Variants in FBXW8 observed in about 807,000 individuals in gnomAD.
The protein encoded by FBXW8 is F-box and WD repeat domain containing 8.
A neutral mutation model predicts 65.3 loss-of-function variants in FBXW8; 57 were observed. The ratio of observed to expected loss-of-function variants is 0.87; its 90% CI spans 0.71 to 1.09. The LOEUF (loss-of-function observed/expected upper bound fraction) is 1.09, where lower values mean the gene tolerates loss of function less well. Ranked by LOEUF, FBXW8 falls within the 50% of genes least tolerant of loss-of-function variation. The probability of loss-of-function intolerance (pLI) is 0.00; values close to 1 mark genes in which losing one functional copy is unlikely to be tolerated. For synonymous variants in FBXW8, 308 were observed against 330.2 expected (o/e 0.93, Z 0.73); for missense variants, 777 against 814.8 (o/e 0.95, Z 0.57).
intron 9 of FBXW8, among the ~76,000 whole-genome samples, chr12:117,024,523 T>C (rs373082644): frequency 1.6e-4 from 25 of 152,322 alleles, no homozygotes; most frequent in East Asian, 1.3e-3. Flanking sequence ...CGCTGGTCAG[T>C]GGGGATGCAG....
intron 5 of FBXW8, among the ~76,000 whole-genome samples, chr12:116,970,743 G>C (rs1040127453): frequency 1.3e-5 from 2 of 152,160 alleles, no homozygotes; most frequent in African/African-American, 2.4e-5. Flanking sequence ...TTTTAGAAGT[G>C]ATTCTTAACA....
intron 2 of FBXW8, among the ~76,000 whole-genome samples, chr12:116,935,388 G>A (rs2137323521): frequency 6.6e-6 from 1 of 152,330 alleles, no homozygotes; most frequent in Non-Finnish European, 1.5e-5. Flanking sequence ...TGTGAGTCAG[G>A]AATCCATAGC....
intron 1 of FBXW8, among the ~76,000 whole-genome samples, chr12:116,913,604 C>T (rs868499622): frequency 1.4e-4 from 22 of 152,274 alleles, no homozygotes; most frequent in Middle Eastern, 3.4e-3. Context: ...TTCTCATTGC[C>T]TTCATGCTGG....
At chr12:116,991,840 G>A (rs1418637896) in intron 7 of FBXW8, among the ~76,000 whole-genome samples, 2 of 152,236 alleles carry the variant, frequency 1.3e-5, no homozygotes, top group Non-Finnish European at 2.9e-5. Flanking sequence ...TCCCTAACCT[G>A]TTGAAGTATT....
At chr12:116,979,978 A>C (rs994999614) in intron 5 of FBXW8, among the ~76,000 whole-genome samples, 11 of 152,050 alleles carry the variant, frequency 7.2e-5, no homozygotes. Context: ...GGGCATGTTC[A>C]TAGTATTTGA....
chr12:116,933,925 TTCTC>T (rs553649172), intron 2 of FBXW8, among the ~76,000 whole-genome samples: 89 of 152,318 alleles, frequency 5.8e-4, no homozygotes, highest in Admixed American at 1.2e-3. Flanking sequence ...CTTGCTTTTT[TTCTC>T]TCTCTCCATC....
At chr12:116,949,502 C>T in intron 3 of FBXW8, 116 bp from the exon 4 acceptor site, 1 of 833,702 alleles carries the variant, frequency 1.2e-6, no homozygotes, top group Non-Finnish European at 2.0e-6. Context: ...ACTTTGAATG[C>T]ACTTGTTGTC....
At chr12:116,925,651 T>A (rs1303544856) in intron 1 of FBXW8, among the ~76,000 whole-genome samples, 4 of 152,078 alleles carry the variant, frequency 2.6e-5, no homozygotes, top group South Asian at 2.1e-4. Context: ...TGACTTTTTT[T>A]TAAAAAAAGT....
intron 8 of FBXW8, among the ~76,000 whole-genome samples, chr12:117,013,594 T>G (rs1281225531): frequency 6.6e-6 from 1 of 152,210 alleles, no homozygotes; most frequent in East Asian, 1.9e-4. Flanking sequence ...GTATATTTTC[T>G]ATTTATTCTA....
intron 8 of FBXW8, among the ~76,000 whole-genome samples, chr12:117,014,576 C>T (rs1215822153): frequency 2.6e-5 from 4 of 152,176 alleles, no homozygotes; most frequent in Non-Finnish European, 4.4e-5. Flanking sequence ...AATCCTCCAA[C>T]GAATGATTTT....
intron 5 of FBXW8, among the ~76,000 whole-genome samples, chr12:116,971,024 A>T (rs749288434): frequency 1.4e-4 from 21 of 152,316 alleles, no homozygotes; most frequent in Non-Finnish European, 2.6e-4. Flanking sequence ...TATGTTCATA[A>T]ATGTAAACTT....
chr12:116,996,804 A>G (rs1442409149), intron 7 of FBXW8, among the ~76,000 whole-genome samples: 1 of 152,168 alleles, frequency 6.6e-6, no homozygotes, highest in Non-Finnish European at 1.5e-5. Context: ...ATGAATGCTT[A>G]TTGAACACAT....
intron 5 of FBXW8, among the ~76,000 whole-genome samples, chr12:116,973,946 C>G (rs1413206246): frequency 2.0e-5 from 3 of 152,156 alleles, no homozygotes; most frequent in African/African-American, 7.2e-5. Context: ...AACTAGAAAA[C>G]CGGACAAAAT....
intron 4 of FBXW8, among the ~76,000 whole-genome samples, chr12:116,953,342 C>G (rs1249670120): frequency 6.6e-6 from 1 of 152,196 alleles, no homozygotes; most frequent in African/African-American, 2.4e-5. Context: ...TGGAGCCGCT[C>G]CGCTGTGTTT....
intron 1 of FBXW8, among the ~76,000 whole-genome samples, chr12:116,912,224 G>A (rs947035716): frequency 1.6e-5 from 2 of 126,698 alleles, no homozygotes; most frequent in Admixed American, 9.5e-5. Context: ...GTCTTGCTCT[G>A]TTGCCCAGGC....
chr12:117,005,595 T>TAA (rs1953656248), intron 7 of FBXW8, among the ~76,000 whole-genome samples: 1 of 152,148 alleles, frequency 6.6e-6, no homozygotes, highest in African/African-American at 2.4e-5. Context: ...CGGAAGAAGA[T>TAA]AAGACACAGG....
At chr12:117,023,465 TTC>T (rs1173570327) in intron 8 of FBXW8, among the ~76,000 whole-genome samples, 13 of 152,164 alleles carry the variant, frequency 8.5e-5, no homozygotes, top group Non-Finnish European at 1.9e-4. Flanking sequence ...GATACGAGAT[TTC>T]TGTCCCATTA....
chr12:116,926,906 T>A (rs1881366995), intron 1 of FBXW8, among the ~76,000 whole-genome samples: 1 of 152,198 alleles, frequency 6.6e-6, no homozygotes, highest in South Asian at 2.1e-4. Context: ...AGGGTCTAAA[T>A]CAGTGCTTGG....
chr12:116,980,928 T>C (rs941128939), intron 5 of FBXW8, among the ~76,000 whole-genome samples: 6 of 152,250 alleles, frequency 3.9e-5, no homozygotes, highest in African/African-American at 1.4e-4. Context: ...TCAATTCTTA[T>C]ATGTCACTAA....
Sources: gnomAD v4.1 joint callset for allele counts (sites outside exome capture counted in the v4.1 genomes callset) on GRCh38, gnomAD v4.1.1 for gene constraint, MANE v1.5 for transcripts, NCBI Gene and HGNC (gene_info 2026-07-23, HGNC 2026-07-21) for gene names.